APCDD1L: variants seen among roughly 807,000 people sequenced by gnomAD.
APCDD1L encodes protein APCDD1-like.
APCDD1L carries 21 observed loss-of-function variants against 24.2 expected under a neutral mutation model. The ratio of observed to expected loss-of-function variants is 0.87; its 90% confidence interval spans 0.61 to 1.25. The LOEUF (loss-of-function observed/expected upper bound fraction) is 1.25. Ranked by LOEUF, APCDD1L falls within the 50% of genes most tolerant of loss-of-function variation. The pLI is 0.00. For synonymous variants in APCDD1L, 321 were observed against 323.6 expected, an observed-to-expected ratio of 0.99 and a Z score of 0.09; for missense variants, 704 against 711.7, an observed-to-expected ratio of 0.99 and a Z score of 0.12.
rs754205603 is a variant in APCDD1L at position 58,467,257 on chromosome 20, C to T, written c.590G>A (p.Ser197Asn). 7 of 1,581,330 alleles carry T rather than the reference C, an allele frequency of 4.4e-6. No homozygotes were observed. Among genetic ancestry groups the T allele is most frequent in the Non-Finnish European group, 6.0e-6 (7 of 1,169,884 alleles). ...CAGGCGGCGCTGCACGCGGACCAGGCTGAGCTCGTGCATGGTGAGGCCCAG... is the reference window on the plus strand; with the variant it reads ...CAGGCGGCGCTGCACGCGGACCAGGTTGAGCTCGTGCATGGTGAGGCCCAG... ...EALGLTMHEL[S>N]LVRVQRRLQP... Residue 197 changes from serine (S) to asparagine (N), a missense_variant, in exon 3 of 4, where the codon AGC (serine) becomes AAC (asparagine). Ser to Asn is a conservative substitution (Grantham distance 46). Coordinates refer to ENST00000371149, the MANE Select transcript of APCDD1L (RefSeq NM_153360.3). The surrounding 1 kb of genome is among the most constrained non-coding windows in gnomAD (Gnocchi z 5.9).
chr20:58,471,203 C>G (rs1989806269), intron 1 of APCDD1L, among the ~76,000 whole-genome samples: 1 of 152,192 alleles, frequency 6.6e-6, no homozygotes, highest in Admixed American at 6.5e-5. Context: ...GGGCCCTAGC[C>G]TATCCCTAGA....
At chr20:58,470,875 C>T (rs1034068091) in intron 1 of APCDD1L, 128 bp from the exon 2 acceptor site, 14 of 1,339,160 alleles carry the variant, frequency 1.0e-5, no homozygotes, top group South Asian at 4.6e-5. Flanking sequence ...ATCGCAGCCC[C>T]GTCCCCAGGG....
Position 58,468,778 on chromosome 20 carries a change from G to A in APCDD1L, c.189-1120C>T, listed in dbSNP as rs139479259. 1.3e-3 allele frequency among the ~76,000 whole-genome samples: 199 copies of A among 152,272 alleles called. 1 individual carries two copies. The highest frequency in any genetic ancestry group is 4.7e-3 in the African/African-American group (194 of 41,564). On this transcript the variant is annotated intron_variant, in intron 2 of 3. Transcript: ENST00000371149. ...AGATGGAGTTTCGTCATGTTGGCCA[G>A]GCTGATTTTGAACTCCTGACCTCAA... is the stretch of plus-strand genomic sequence containing the variant.
intron 2 of APCDD1L, among the ~76,000 whole-genome samples, chr20:58,470,000 C>T (rs1989781352): frequency 6.6e-6 from 1 of 152,220 alleles, no homozygotes; most frequent in Non-Finnish European, 1.5e-5. Context: ...CGCAAAGCAG[C>T]GACTGAGCCT....
intron 1 of APCDD1L, among the ~76,000 whole-genome samples, chr20:58,504,919 C>T (rs920949323): frequency 6.6e-6 from 1 of 152,204 alleles, no homozygotes; most frequent in African/African-American, 2.4e-5. Flanking sequence ...CAACCTCAAC[C>T]TCTGTTACAT....
intron 1 of APCDD1L, among the ~76,000 whole-genome samples, chr20:58,504,487 C>T (rs533197437): frequency 1.1e-3 from 171 of 152,318 alleles, no homozygotes; most frequent in Admixed American, 2.6e-3. Context: ...TCTATTTCTT[C>T]AGGTGTCAAG....
intron 1 of APCDD1L, among the ~76,000 whole-genome samples, chr20:58,505,894 G>A (rs558726481): frequency 1.0e-3 from 153 of 152,300 alleles, no homozygotes; most frequent in African/African-American, 3.6e-3. Context: ...GGTCCACATG[G>A]CAATGGAGGT....
At chr20:58,483,438 G>C (rs1468660481) in intron 1 of APCDD1L, among the ~76,000 whole-genome samples, 1 of 152,106 alleles carries the variant, frequency 6.6e-6, no homozygotes, top group Non-Finnish European at 1.5e-5. Context: ...AGGGGTCCAT[G>C]GTGGACATTT....
At chr20:58,500,718 T>C (rs902866514) in intron 1 of APCDD1L, among the ~76,000 whole-genome samples, 3 of 152,126 alleles carry the variant, frequency 2.0e-5, no homozygotes, top group African/African-American at 7.2e-5. Context: ...CCACCCACGC[T>C]CTGAGGACAT....
At chr20:58,480,300 G>A (rs991991651) in intron 1 of APCDD1L, among the ~76,000 whole-genome samples, 1 of 152,194 alleles carries the variant, frequency 6.6e-6, no homozygotes, top group South Asian at 2.1e-4. Flanking sequence ...GAGAGTTGAA[G>A]GCTGCCCGAG....
intron 1 of APCDD1L, among the ~76,000 whole-genome samples, chr20:58,475,592 A>G (rs1989891714): frequency 1.3e-5 from 2 of 152,164 alleles, no homozygotes; most frequent in South Asian, 4.1e-4. Flanking sequence ...GGTGCACGGA[A>G]GACGGAGGGA....
chr20:58,497,376 G>A lies in APCDD1L; in HGVS notation c.49+17283C>T, dbSNP rs1266022129. Among the ~76,000 whole-genome samples the A allele has an allele frequency of 6.6e-6, 1 of 152,094 alleles. No individual in the cohort carries two copies. The highest frequency in any genetic ancestry group is 6.5e-5 in the Admixed American group (1 of 15,282). On this transcript the variant is annotated intron_variant, in intron 1 of 3. Transcript: ENST00000371149. The surrounding 1 kb of genome is among the most constrained non-coding windows in gnomAD (Gnocchi z 4.3). ...CCACTAGGAGGCCCAGGGAACAGAC[G>A]CCTTGCATCGTGTCCACAGATGGGG...
At chr20:58,504,888 C>T (rs943982594) in intron 1 of APCDD1L, among the ~76,000 whole-genome samples, 1 of 152,224 alleles carries the variant, frequency 6.6e-6, no homozygotes, top group Non-Finnish European at 1.5e-5. Context: ...AGTCCTGCAG[C>T]CAGGTCAGGT....
chr20:58,461,141 C>G lies in APCDD1L; in HGVS notation c.1155G>C (p.Trp385Cys). ...EPSSCGGAGA[W>C]SMGTERDVTA... Reference sequence around the variant, plus strand: ...TGACATCCCGCTCAGTGCCCATGGACCAGGCCCCCGCACCCCCACAGCTGC... The same window carrying G: ...TGACATCCCGCTCAGTGCCCATGGAGCAGGCCCCCGCACCCCCACAGCTGC... The change falls in exon 4 of 4, where the codon TGG becomes TGC. Residue 385 changes from tryptophan to cysteine, a missense_variant. By Grantham distance (215) the Trp-to-Cys change is radical. Transcript: ENST00000371149. This position sits in a 1 kb window ranked among gnomAD's most constrained non-coding sequence, Gnocchi z 6.0. The G allele has an allele frequency of 6.2e-7, 1 of 1,613,126 alleles. No homozygotes were observed. The highest frequency in any genetic ancestry group is 8.5e-7 in the Non-Finnish European group (1 of 1,179,476).
intron 1 of APCDD1L, among the ~76,000 whole-genome samples, chr20:58,486,094 C>T (rs1029571246): frequency 2.6e-5 from 4 of 152,172 alleles, no homozygotes; most frequent in African/African-American, 9.7e-5. Context: ...CACAAGTAAG[C>T]AATCCACTAT....
chr20:58,509,570 T>C (rs1300141469), intron 1 of APCDD1L, among the ~76,000 whole-genome samples: 3 of 152,194 alleles, frequency 2.0e-5, no homozygotes, highest in African/African-American at 7.2e-5. Flanking sequence ...AGTCAGGAGC[T>C]GAGCCTGGGC....
intron 1 of APCDD1L, among the ~76,000 whole-genome samples, chr20:58,486,090 T>A (rs1219317705): frequency 6.6e-6 from 1 of 152,192 alleles, no homozygotes; most frequent in African/African-American, 2.4e-5. Flanking sequence ...AATACACAAG[T>A]AAGCAATCCA....
At chr20:58,478,124 C>T (rs1989947212) in intron 1 of APCDD1L, among the ~76,000 whole-genome samples, 1 of 152,212 alleles carries the variant, frequency 6.6e-6, no homozygotes, top group African/African-American at 2.4e-5. Flanking sequence ...AGTTAATCTC[C>T]TGTGTCCTTC....
intron 1 of APCDD1L, among the ~76,000 whole-genome samples, chr20:58,476,627 T>A (rs573918856): frequency 6.6e-6 from 1 of 152,320 alleles, no homozygotes; most frequent in African/African-American, 2.4e-5. Context: ...AGAGTAGAAC[T>A]TCAAACCATC....
Sources: gnomAD v4.1 joint callset for allele counts (sites outside exome capture counted in the v4.1 genomes callset) on GRCh38, gnomAD v4.1.1 for gene constraint, Gnocchi (gnomAD v3.1) non-coding constraint, MANE v1.5 for transcripts, NCBI Gene and HGNC (gene_info 2026-07-23, HGNC 2026-07-21) for gene names.